ST8SIA6: variants seen among roughly 807,000 people sequenced by gnomAD.
ST8SIA6 encodes ST8 alpha-N-acetyl-neuraminide alpha-2,8-sialyltransferase 6, also known as alpha-2,8-sialyltransferase 8F.
A neutral mutation model predicts 33.6 loss-of-function variants in ST8SIA6; 39 were observed. The ratio of observed to expected loss-of-function variants is 1.16; its 90% confidence interval spans 0.90 to 1.52. The LOEUF (loss-of-function observed/expected upper bound fraction) is 1.52, where lower values mean the gene tolerates loss of function less well. ST8SIA6 is among the 40% of genes most tolerant of loss of function. The probability of loss-of-function intolerance (pLI) is 0.00; values close to 1 mark genes in which losing one functional copy is unlikely to be tolerated. For missense variants in ST8SIA6, 441 were observed against 443.8 expected (o/e 0.99, Z 0.06); for synonymous variants, 172 against 167.2 (o/e 1.03, Z -0.22).
At chr10:17,353,268 T>C (rs1306246279) in intron 4 of ST8SIA6, among the ~76,000 whole-genome samples, 1 of 152,190 alleles carries the variant, frequency 6.6e-6, no homozygotes, top group Non-Finnish European at 1.5e-5. Context: ...GTGAAAACTT[T>C]GTGGTAAAAC....
chr10:17,431,461 GGA>G (rs1491334736), intron 2 of ST8SIA6, among the ~76,000 whole-genome samples: 3 of 152,126 alleles, frequency 2.0e-5, no homozygotes, highest in Non-Finnish European at 2.9e-5. Flanking sequence ...TTAAGGGGGG[GGA>G]AAGGGTGTGA....
chr10:17,446,294 A>T (rs1367979377), intron 2 of ST8SIA6, among the ~76,000 whole-genome samples: 2 of 152,228 alleles, frequency 1.3e-5, no homozygotes, highest in African/African-American at 4.8e-5. Flanking sequence ...TGCTCTTAAA[A>T]TGCAGAGAAA....
chr10:17,449,974 G>A (rs1437601656), intron 2 of ST8SIA6, among the ~76,000 whole-genome samples: 1 of 152,172 alleles, frequency 6.6e-6, no homozygotes, highest in African/African-American at 2.4e-5. Context: ...ACTAAGAGTA[G>A]GGTCACATCT....
chr10:17,378,932 C>T (rs376781678), intron 3 of ST8SIA6, among the ~76,000 whole-genome samples: 1 of 152,056 alleles, frequency 6.6e-6, no homozygotes, highest in Admixed American at 6.6e-5. Context: ...CAAGACCATC[C>T]TGGCTAACAT....
At chr10:17,341,063 T>G (rs1848656771) in intron 4 of ST8SIA6, among the ~76,000 whole-genome samples, 1 of 152,204 alleles carries the variant, frequency 6.6e-6, no homozygotes, top group Non-Finnish European at 1.5e-5. Flanking sequence ...ACATCTCTGG[T>G]TAGAGGCCAT....
At chr10:17,327,403 G>A (rs1221979084) in intron 5 of ST8SIA6, among the ~76,000 whole-genome samples, 3 of 151,680 alleles carry the variant, frequency 2.0e-5, no homozygotes, top group Admixed American at 6.6e-5. Context: ...TGGCCAAGAT[G>A]GTGAAACCCC....
At chr10:17,324,927 A>G (rs1434965467) in intron 6 of ST8SIA6, among the ~76,000 whole-genome samples, 2 of 146,296 alleles carry the variant, frequency 1.4e-5, no homozygotes, top group African/African-American at 5.0e-5. Flanking sequence ...AATATATAAT[A>G]TGCATACATA....
At chr10:17,441,326 T>TTATTTATTTATC (rs1332941724) in intron 2 of ST8SIA6, among the ~76,000 whole-genome samples, 1 of 151,862 alleles carries the variant, frequency 6.6e-6, no homozygotes, top group Non-Finnish European at 1.5e-5. Flanking sequence ...ATTTATTTAT[T>TTATTTATTTATC]TATTTGAGAC....
Position 17,321,365 on chromosome 10 carries a change from AT to A in ST8SIA6, c.729-20del, listed in dbSNP as rs1259856426. The A allele has an allele frequency of 1.9e-6, 3 of 1,551,632 alleles. No homozygotes were observed. The South Asian group carries it at 3.6e-5, about 19-fold the overall frequency. ...CCCATATCTGCCAAATTAAAAAAAAATTATAGTAATCCCAAGAATAATAATC... is the reference window on the plus strand; with the variant it reads ...CCCATATCTGCCAAATTAAAAAAAAATATAGTAATCCCAAGAATAATAATC... On this transcript the variant is annotated intron_variant, in intron 7 of 7. Transcript: ENST00000377602.
intron 3 of ST8SIA6, among the ~76,000 whole-genome samples, chr10:17,381,082 ATTGT>A (rs1251333989): frequency 6.6e-6 from 1 of 151,074 alleles, no homozygotes; most frequent in East Asian, 1.9e-4. Context: ...TCGTCACCTG[ATTGT>A]TTGACTAACA....
At chr10:17,420,965 A>G (rs1156625973) in intron 2 of ST8SIA6, among the ~76,000 whole-genome samples, 1 of 152,148 alleles carries the variant, frequency 6.6e-6, no homozygotes, top group African/African-American at 2.4e-5. Flanking sequence ...ATCTCATGAG[A>G]ACTCAGTCAT....
intron 2 of ST8SIA6, among the ~76,000 whole-genome samples, chr10:17,450,047 A>T (rs970881231): frequency 6.6e-6 from 1 of 152,188 alleles, no homozygotes; most frequent in Admixed American, 6.5e-5. Context: ...TTTGGTTTTT[A>T]TATGTTTAGA....
At chr10:17,358,740 A>AAGG (rs201618107) in intron 4 of ST8SIA6, among the ~76,000 whole-genome samples, 3 of 108,808 alleles carry the variant, frequency 2.8e-5, no homozygotes, top group Admixed American at 2.7e-4. Context: ...GAAGAGGAAA[A>AAGG]AGGAGGAGGA....
Position 17,319,967 on chromosome 10 carries a change from TATC to T in ST8SIA6, c.*908_*910del, listed in dbSNP as rs1327350238. On this transcript the variant is annotated 3_prime_UTR_variant, in exon 8 of 8. Transcript: ENST00000377602. ...TCATAGCTTTTGTCATTGTAATACT[TATC>T]ATACCCCATCATAATTAATGATATG... 1 of 152,176 alleles carries T rather than the reference TATC, an allele frequency of 6.6e-6. No homozygotes were observed. The highest frequency in any genetic ancestry group is 1.5e-5 in the Non-Finnish European group (1 of 68,034). The allele number at this position is 152,176 out of a possible 1,614,324, so 9.4% of individuals were successfully genotyped here. A position where few individuals can be genotyped will look rare whatever the true frequency, so the allele number is the denominator to read the frequency against.
intron 3 of ST8SIA6, among the ~76,000 whole-genome samples, chr10:17,380,950 T>C (rs2770198): frequency 0.28 from 42,349 of 151,522 alleles, 6,645 homozygotes; most frequent in East Asian, 0.64. Flanking sequence ...TATGTGTACG[T>C]GTTTGTATTT....
intron 3 of ST8SIA6, among the ~76,000 whole-genome samples, chr10:17,382,716 A>G (rs2131646018): frequency 6.6e-6 from 1 of 152,340 alleles, no homozygotes; most frequent in East Asian, 1.9e-4. Flanking sequence ...AATCAAAATA[A>G]ACTGCATGCC....
intron 4 of ST8SIA6, among the ~76,000 whole-genome samples, chr10:17,345,594 C>T (rs1295942203): frequency 2.0e-5 from 3 of 152,060 alleles, no homozygotes; most frequent in Non-Finnish European, 4.4e-5. Flanking sequence ...ATAGAATGTG[C>T]AAAATTCTGA....
At chr10:17,359,438 A>T in intron 4 of ST8SIA6, 76 bp downstream of exon 4, 1 of 1,181,832 alleles carries the variant, frequency 8.5e-7, no homozygotes, top group Non-Finnish European at 1.2e-6. Context: ...CTTTTTAATA[A>T]CATATTGCCT....
intron 2 of ST8SIA6, 71 bp downstream of exon 2, chr10:17,453,488 G>C (rs1005061051): frequency 3.4e-6 from 4 of 1,175,712 alleles, no homozygotes; most frequent in Non-Finnish European, 4.3e-6. Flanking sequence ...AGTCCAAGCC[G>C]GTGCAGCCGC....
Sources: gnomAD v4.1 joint callset for allele counts (sites outside exome capture counted in the v4.1 genomes callset) on GRCh38, gnomAD v4.1.1 for gene constraint, MANE v1.5 for transcripts, NCBI Gene and HGNC (gene_info 2026-07-23, HGNC 2026-07-21) for gene names.